Variants in ADGRL2 observed in about 807,000 individuals in gnomAD.
ADGRL2 encodes adhesion G protein-coupled receptor L2.
In ADGRL2, 44 loss-of-function variants were observed where a neutral mutation model predicts 157.4. That is an observed-to-expected ratio of 0.28 (90% CI 0.22 to 0.36). The LOEUF is 0.36. Ranked by LOEUF, ADGRL2 falls within the 10% of genes least tolerant of loss-of-function variation. The probability of loss-of-function intolerance (pLI) is 1.00; values close to 1 mark genes in which losing one functional copy is unlikely to be tolerated. For synonymous variants in ADGRL2, 585 were observed against 624.7 expected (o/e 0.94, Z 0.95); for missense variants, 1,510 against 1,768.9 (o/e 0.85, Z 2.63).
At chr1:81,705,926 T>G (rs560374124) in intron 1 of ADGRL2, among the ~76,000 whole-genome samples, 7 of 150,636 alleles carry the variant, frequency 4.6e-5, no homozygotes, top group Non-Finnish European at 8.9e-5. Context: ...ACAAAAATTT[T>G]GGGGCCAGGC....
chr1:81,791,701 T>C (rs1165267613), intron 2 of ADGRL2, among the ~76,000 whole-genome samples: 2 of 152,170 alleles, frequency 1.3e-5, no homozygotes, highest in Non-Finnish European at 2.9e-5. Flanking sequence ...GTGTAGGATA[T>C]ACTTCAGTGA....
chr1:81,558,884 T>C (rs1325277610), intron 2 of ADGRL2, among the ~76,000 whole-genome samples: 1 of 152,160 alleles, frequency 6.6e-6, no homozygotes, highest in Non-Finnish European at 1.5e-5. Context: ...CATGCATGCA[T>C]TTAAAATTAC....
At chr1:81,572,972 A>G (rs1447979489) in intron 2 of ADGRL2, among the ~76,000 whole-genome samples, 1 of 151,456 alleles carries the variant, frequency 6.6e-6, no homozygotes, top group Admixed American at 6.6e-5. Flanking sequence ...ATATAGTTTG[A>G]GAAATATTAC....
At chr1:81,397,865 T>C (rs986586758) in intron 1 of ADGRL2, among the ~76,000 whole-genome samples, 2 of 152,204 alleles carry the variant, frequency 1.3e-5, no homozygotes, top group East Asian at 3.9e-4. Flanking sequence ...CCAAGGTTTC[T>C]TGGTTGATTT....
Position 81,986,897 on chromosome 1 carries a change from T to C in ADGRL2, c.3509-4T>C, listed in dbSNP as rs967234750. 3.1e-6 allele frequency: 5 copies of C among 1,606,092 alleles called. No individual in the cohort carries two copies. The African/African-American group carries it at 6.7e-5, about 22-fold the overall frequency. The stretch of plus-strand genomic sequence containing the variant: ...TTTTTTGTTGTTTTTTTTTTTTACT[T>C]TAGGAATGACTGGCAATTACCTACT... On this transcript the variant is annotated splice_polypyrimidine_tract_variant and splice_region_variant and intron_variant, in intron 21 of 23. Transcript: ENST00000686636.
At chr1:81,889,409 G>C (rs1031479227) in intron 2 of ADGRL2, among the ~76,000 whole-genome samples, 1 of 152,198 alleles carries the variant, frequency 6.6e-6, no homozygotes, top group Non-Finnish European at 1.5e-5. Context: ...GATCAAACCA[G>C]TCTCAAGATT....
At chr1:81,347,431 A>G (rs1027362296) in intron 1 of ADGRL2, among the ~76,000 whole-genome samples, 4 of 152,140 alleles carry the variant, frequency 2.6e-5, no homozygotes, top group African/African-American at 9.7e-5. Flanking sequence ...GGTCTTAGAT[A>G]GAAATGAGGG....
intron 2 of ADGRL2, among the ~76,000 whole-genome samples, chr1:81,884,277 A>G (rs1374901365): frequency 3.3e-5 from 5 of 152,110 alleles, no homozygotes; most frequent in Non-Finnish European, 7.4e-5. Context: ...GCCCATCCCA[A>G]ACTGCCTTCC....
intron 3 of ADGRL2, among the ~76,000 whole-genome samples, chr1:81,919,870 A>C (rs905654065): frequency 9.2e-5 from 14 of 152,164 alleles, no homozygotes; most frequent in African/African-American, 3.1e-4. Context: ...GGTTCAAGGC[A>C]CTTTTATATA....
At chr1:81,499,120 G>T (rs550375823) in intron 2 of ADGRL2, among the ~76,000 whole-genome samples, 5 of 152,342 alleles carry the variant, frequency 3.3e-5, no homozygotes, top group Admixed American at 3.3e-4. Flanking sequence ...CATGAAGCTT[G>T]TACAGCAATC....
At chr1:81,731,876 A>G (rs555994637) in intron 1 of ADGRL2, among the ~76,000 whole-genome samples, 56 of 152,368 alleles carry the variant, frequency 3.7e-4, no homozygotes, top group African/African-American at 1.3e-3. Context: ...GAGATACATC[A>G]GAAAAAGAGA....
At chr1:81,988,230 A>C (rs145720915) in intron 23 of ADGRL2, among the ~76,000 whole-genome samples, 1 of 152,276 alleles carries the variant, frequency 6.6e-6, no homozygotes, top group Non-Finnish European at 1.5e-5. Flanking sequence ...GAAAATCTTC[A>C]AGTGAATTAC....
At chr1:81,619,938 T>A (rs2081753252) in intron 3 of ADGRL2, among the ~76,000 whole-genome samples, 1 of 126,426 alleles carries the variant, frequency 7.9e-6, no homozygotes, top group Non-Finnish European at 1.7e-5. Flanking sequence ...AGTTTCCATT[T>A]CTTTAAAAAA....
At chr1:81,448,935 C>T (rs894052549) in intron 2 of ADGRL2, among the ~76,000 whole-genome samples, 1 of 152,062 alleles carries the variant, frequency 6.6e-6, no homozygotes, top group Non-Finnish European at 1.5e-5. Flanking sequence ...AGTGTGACCC[C>T]TATACTTTAC....
chr1:81,517,107 A>G (rs2079196038), intron 2 of ADGRL2, among the ~76,000 whole-genome samples: 1 of 152,154 alleles, frequency 6.6e-6, no homozygotes, highest in Non-Finnish European at 1.5e-5. Context: ...GCTTAAACTA[A>G]TAATTCTTAT....
chr1:81,935,558 A>G (rs2095298606), intron 3 of ADGRL2, among the ~76,000 whole-genome samples: 1 of 151,904 alleles, frequency 6.6e-6, no homozygotes, highest in Admixed American at 6.6e-5. Context: ...TAGTGGTGCT[A>G]GAAACTGGGA....
chr1:81,494,815 C>G (rs1040279388), intron 2 of ADGRL2, among the ~76,000 whole-genome samples: 28 of 152,012 alleles, frequency 1.8e-4, no homozygotes, highest in African/African-American at 6.8e-4. Flanking sequence ...GTGCTAAAGG[C>G]CATTAATAAA....
chr1:81,884,983 A>G (rs2094090954), intron 2 of ADGRL2, among the ~76,000 whole-genome samples: 1 of 152,188 alleles, frequency 6.6e-6, no homozygotes, highest in African/African-American at 2.4e-5. Flanking sequence ...ATGTTGGAAA[A>G]CAAGTGTCTT....
intron 2 of ADGRL2, among the ~76,000 whole-genome samples, chr1:81,448,137 C>CTTTTTTTTTTTTTT (rs1168945231): frequency 2.5e-3 from 211 of 83,518 alleles, no homozygotes; most frequent in Non-Finnish European, 3.0e-3. Context: ...TTCTTTCTTT[C>CTTTTTTTTTTTTTT]TTTTTTTTTT....
Sources: gnomAD v4.1 joint callset for allele counts (sites outside exome capture counted in the v4.1 genomes callset) on GRCh38, gnomAD v4.1.1 for gene constraint, MANE v1.5 for transcripts, NCBI Gene and HGNC (gene_info 2026-07-23, HGNC 2026-07-21) for gene names.